GRIA2: variants seen among roughly 807,000 people sequenced by gnomAD.
GRIA2 encodes glutamate receptor 2.
Under a neutral mutation model 97.3 loss-of-function variants are expected in GRIA2, and 14 were observed. The ratio of observed to expected loss-of-function variants is 0.14; its 90% confidence interval spans 0.10 to 0.23. The LOEUF (loss-of-function observed/expected upper bound fraction) is 0.23. Among genes scored for constraint, GRIA2 ranks in the 10% least tolerant of loss-of-function variants. The pLI, the probability that GRIA2 is intolerant of heterozygous loss-of-function variation, is 1.00. For missense variants in GRIA2, 558 were observed against 1,069.8 expected (o/e 0.52, Z 6.67); for synonymous variants, 412 against 387.8 (o/e 1.06, Z -0.73).
At chr4:157,319,115 T>G (rs1196921764) in intron 5 of GRIA2, among the ~76,000 whole-genome samples, 1 of 152,128 alleles carries the variant, frequency 6.6e-6, no homozygotes, top group Non-Finnish European at 1.5e-5. Flanking sequence ...TAGAGTGTAT[T>G]AAGATGCTAA....
chr4:157,324,260 T>G (rs1162800038), intron 6 of GRIA2, among the ~76,000 whole-genome samples: 1 of 152,170 alleles, frequency 6.6e-6, no homozygotes, highest in Admixed American at 6.6e-5. Context: ...CAATAAAAAT[T>G]ACTGAAAATC....
At chr4:157,244,521 T>C (rs1267255845) in intron 2 of GRIA2, among the ~76,000 whole-genome samples, 1 of 152,088 alleles carries the variant, frequency 6.6e-6, no homozygotes, top group East Asian at 1.9e-4. Context: ...GATTTGGATT[T>C]TTCCTTTCTG....
At chr4:157,304,155 G>A (rs1307545409) in intron 3 of GRIA2, among the ~76,000 whole-genome samples, 1 of 152,160 alleles carries the variant, frequency 6.6e-6, no homozygotes, top group Non-Finnish European at 1.5e-5. Flanking sequence ...GAAACAGACA[G>A]TAACATACAG....
intron 13 of GRIA2, chr4:157,360,647 A>G: frequency 4.3e-6 from 2 of 463,290 alleles, no homozygotes; most frequent in South Asian, 1.6e-5. Context: ...TTCTTTGCAC[A>G]CATCTCTTTA....
chr4:157,271,939 A>C (rs1404024810), intron 2 of GRIA2, among the ~76,000 whole-genome samples: 2 of 152,112 alleles, frequency 1.3e-5, no homozygotes, highest in Non-Finnish European at 2.9e-5. Flanking sequence ...ATTCCTGCAA[A>C]GAATGCCTTT....
intron 2 of GRIA2, among the ~76,000 whole-genome samples, chr4:157,273,440 T>C (rs375836639): frequency 6.6e-6 from 1 of 152,066 alleles, no homozygotes; most frequent in East Asian, 1.9e-4. Flanking sequence ...GGATGATGAA[T>C]TTAAAACATC....
chr4:157,233,242 A>C (rs1340432155), intron 2 of GRIA2, among the ~76,000 whole-genome samples: 1 of 152,192 alleles, frequency 6.6e-6, no homozygotes, highest in African/African-American at 2.4e-5. Flanking sequence ...CTATAGGACG[A>C]GAATGATTTT....
At chr4:157,288,412 G>A (rs1449776915) in intron 2 of GRIA2, among the ~76,000 whole-genome samples, 2 of 151,032 alleles carry the variant, frequency 1.3e-5, no homozygotes, top group African/African-American at 4.9e-5. Context: ...TAGGCCTCGG[G>A]TTACTCGATC....
chr4:157,337,269 A>C (rs981610832), intron 11 of GRIA2, among the ~76,000 whole-genome samples: 1 of 151,994 alleles, frequency 6.6e-6, no homozygotes, highest in African/African-American at 2.4e-5. Context: ...ATATAATAGC[A>C]TATTTTCAAC....
intron 5 of GRIA2, among the ~76,000 whole-genome samples, chr4:157,318,071 C>T (rs190724356): frequency 2.0e-5 from 3 of 152,116 alleles, no homozygotes; most frequent in Admixed American, 6.6e-5. Context: ...TTTGCATCTT[C>T]TAATCAATTT....
intron 2 of GRIA2, among the ~76,000 whole-genome samples, chr4:157,237,289 G>GTTTTTTTT (rs541148827): frequency 2.8e-5 from 4 of 142,336 alleles, no homozygotes; most frequent in Non-Finnish European, 4.6e-5. Context: ...AAATGTATAA[G>GTTTTTTTT]TTTTTTTTTT....
Position 157,363,453 on chromosome 4 carries a change from A to T in GRIA2, c.*22A>T. ...ATTTAAGATGACCTTGAATGATGCC[A>T]TGAGGAACAAGGCAAGGCTGTCAAT... is the stretch of plus-strand genomic sequence containing the variant. On this transcript the variant is annotated 3_prime_UTR_variant, in exon 16 of 16. Transcript: ENST00000264426. 8.0e-7 allele frequency: 1 copy of T among 1,243,310 alleles called. No individual in the cohort carries two copies. The highest frequency in any genetic ancestry group is 1.0e-6 in the Non-Finnish European group (1 of 992,566). The allele number at this position is 1,243,310 out of a possible 1,614,324, so 77.0% of individuals were successfully genotyped here. A position where few individuals can be genotyped will look rare whatever the true frequency, so the allele number is the denominator to read the frequency against.
At chr4:157,259,859 A>T (rs993566613) in intron 2 of GRIA2, among the ~76,000 whole-genome samples, 6 of 152,088 alleles carry the variant, frequency 3.9e-5, no homozygotes, top group Admixed American at 3.9e-4. Context: ...ACTTTCTTTT[A>T]TGATACTTAA....
intron 2 of GRIA2, among the ~76,000 whole-genome samples, chr4:157,268,848 C>A (rs1004147241): frequency 6.6e-6 from 1 of 151,588 alleles, no homozygotes; most frequent in Non-Finnish European, 1.5e-5. Context: ...ATTTAAAAAC[C>A]AAGAAAGGAA....
chr4:157,354,528 G>T (rs367631077), intron 12 of GRIA2, among the ~76,000 whole-genome samples: 1 of 152,158 alleles, frequency 6.6e-6, no homozygotes, highest in Admixed American at 6.5e-5. Flanking sequence ...GAATAGCTAT[G>T]TTTAAAGAAA....
In GRIA2 at chr4:157,343,148, G is replaced by C. The variant is rs1010032539; in HGVS notation, c.2043+1686G>C. Among the ~76,000 whole-genome samples, 6 of 152,168 alleles carry C rather than the reference G, an allele frequency of 3.9e-5. No homozygotes were observed. In the East Asian group the frequency reaches 1.2e-3, roughly 30 times the overall value. ...GTTCCAATATGCAATCGTGGAGGTT[G>C]TATAAGGTTGTGGAGCTTTTCTTCC... On this transcript the variant is annotated intron_variant, in intron 12 of 15. Transcript: ENST00000264426.
intron 2 of GRIA2, among the ~76,000 whole-genome samples, chr4:157,251,427 A>G (rs369862697): frequency 6.6e-6 from 1 of 152,136 alleles, no homozygotes; most frequent in Admixed American, 6.6e-5. Context: ...ATTTTTTTAG[A>G]TGTCGTTCAG....
intron 12 of GRIA2, among the ~76,000 whole-genome samples, chr4:157,352,780 T>C (rs994432735): frequency 2.7e-5 from 4 of 147,416 alleles, no homozygotes; most frequent in Non-Finnish European, 5.9e-5. Context: ...AGGCCCGGCA[T>C]GGTGGTGCAC....
chr4:157,315,653 C>T (rs1734283869), intron 4 of GRIA2, among the ~76,000 whole-genome samples: 1 of 152,088 alleles, frequency 6.6e-6, no homozygotes, highest in Non-Finnish European at 1.5e-5. Context: ...AGAGATTCTA[C>T]TGCCTCAGCC....
Sources: allele counts gnomAD v4.1 joint callset (sites outside exome capture counted in the v4.1 genomes callset), GRCh38; gene constraint gnomAD v4.1.1; transcripts MANE v1.5; gene names NCBI Gene and HGNC (gene_info 2026-07-23, HGNC 2026-07-21).